STK24: variants seen among roughly 807,000 people sequenced by gnomAD.
STK24 encodes serine/threonine kinase 24.
STK24 carries 21 observed loss-of-function variants against 55.6 expected under a neutral mutation model. The ratio of observed to expected loss-of-function variants is 0.38; its 90% CI spans 0.27 to 0.54. The LOEUF (loss-of-function observed/expected upper bound fraction) is 0.54. Among genes scored for constraint, STK24 ranks in the 20% least tolerant of loss-of-function variants. STK24 has a pLI of 0.79. For synonymous variants in STK24, 200 were observed against 215.2 expected (o/e 0.93, Z 0.62); for missense variants, 383 against 538.4 (o/e 0.71, Z 2.86).
At chr13:98,468,929 G>A (rs1894030367) in intron 5 of STK24, among the ~76,000 whole-genome samples, 1 of 152,166 alleles carries the variant, frequency 6.6e-6, no homozygotes. Context: ...ATCTCTGACG[G>A]ATGCACCTCC....
intron 1 of STK24, among the ~76,000 whole-genome samples, chr13:98,529,942 A>G (rs1373163267): frequency 6.6e-6 from 1 of 152,196 alleles, no homozygotes; most frequent in African/African-American, 2.4e-5. Flanking sequence ...CTTAAAATAG[A>G]AAGGGTCTAC....
intron 1 of STK24, among the ~76,000 whole-genome samples, chr13:98,527,433 C>T (rs1369939427): frequency 1.3e-5 from 2 of 152,204 alleles, no homozygotes; most frequent in African/African-American, 4.8e-5. Context: ...TGCAAAGGGG[C>T]AAGGTGCCGG....
At chr13:98,555,307 C>T (rs1042586525) in intron 1 of STK24, among the ~76,000 whole-genome samples, 6 of 152,154 alleles carry the variant, frequency 3.9e-5, no homozygotes, top group Non-Finnish European at 8.8e-5. Flanking sequence ...CTCGGCCAGG[C>T]ACAGTGGCTC....
At chr13:98,492,659 A>G (rs1433764454) in intron 2 of STK24, among the ~76,000 whole-genome samples, 1 of 151,916 alleles carries the variant, frequency 6.6e-6, no homozygotes, top group Non-Finnish European at 1.5e-5. Context: ...CAACCCCACA[A>G]TTTTTCTCTC....
intron 1 of STK24, among the ~76,000 whole-genome samples, chr13:98,568,793 G>A (rs568275668): frequency 6.6e-6 from 1 of 151,916 alleles, no homozygotes; most frequent in South Asian, 2.1e-4. Flanking sequence ...ACTGGAACCT[G>A]GGGGGGCAGA....
chr13:98,470,625 G>A (rs561831390), intron 5 of STK24, among the ~76,000 whole-genome samples: 5 of 152,254 alleles, frequency 3.3e-5, no homozygotes, highest in South Asian at 2.1e-4. Flanking sequence ...CATTAACTGC[G>A]AACGAATCTT....
chr13:98,485,674 C>T (rs1441572187), intron 2 of STK24, among the ~76,000 whole-genome samples: 1 of 152,228 alleles, frequency 6.6e-6, no homozygotes, highest in East Asian at 1.9e-4. Context: ...AAAGTTAAGT[C>T]AGCCTGTGCC....
intron 1 of STK24, among the ~76,000 whole-genome samples, chr13:98,520,140 G>A (rs986598290): frequency 6.6e-6 from 1 of 151,684 alleles, no homozygotes; most frequent in Non-Finnish European, 1.5e-5. Context: ...CTAGCTGTCA[G>A]AGCTCAAGCT....
chr13:98,467,189 A>G (rs908698975), intron 5 of STK24, among the ~76,000 whole-genome samples: 1 of 152,168 alleles, frequency 6.6e-6, no homozygotes, highest in Non-Finnish European at 1.5e-5. Flanking sequence ...TATTAATATA[A>G]TGCATCCTCA....
At chr13:98,477,415 T>C (rs1343207080) in intron 3 of STK24, among the ~76,000 whole-genome samples, 1 of 152,132 alleles carries the variant, frequency 6.6e-6, no homozygotes, top group East Asian at 1.9e-4. Flanking sequence ...CTCATGCCTG[T>C]AATCCCAGCA....
At chr13:98,573,011 G>A (rs138263564) in intron 1 of STK24, among the ~76,000 whole-genome samples, 214 of 152,180 alleles carry the variant, frequency 1.4e-3, no homozygotes, top group African/African-American at 4.6e-3. Flanking sequence ...ACTTTTCAGC[G>A]CCAACATGAC....
chr13:98,556,291 T>C (rs1220623386), intron 1 of STK24, among the ~76,000 whole-genome samples: 1 of 152,208 alleles, frequency 6.6e-6, no homozygotes, highest in Non-Finnish European at 1.5e-5. Context: ...CTAGAGCTAC[T>C]GAAAAAGAGG....
rs77826297 is a variant in STK24, at chr13:98,507,734, A to C, written c.273+11509T>G. 9.1e-3 allele frequency among the ~76,000 whole-genome samples: 1,382 copies of C among 152,284 alleles called. 19 individuals are homozygous for C. The highest frequency in any genetic ancestry group is 0.03 in the African/African-American group (1,263 of 41,554). ...TGGCTTCATTCCCAGCCAGGACGGG[A>C]TATCCTGAGGCAGGTCTCCAGGTCT... On this transcript the variant is annotated intron_variant, in intron 2 of 10. Transcript: ENST00000539966.
chr13:98,547,405 G>A (rs563398727), intron 1 of STK24, among the ~76,000 whole-genome samples: 5 of 152,146 alleles, frequency 3.3e-5, no homozygotes, highest in South Asian at 2.1e-4. Context: ...ACAATGAGCC[G>A]GGCACGGTGG....
At chr13:98,555,014 C>CAAAAAAAAAAAAAAAA (rs398024117) in intron 1 of STK24, among the ~76,000 whole-genome samples, 2 of 88,342 alleles carry the variant, frequency 2.3e-5, no homozygotes, top group African/African-American at 4.3e-5. Context: ...GACTCCAACT[C>CAAAAAAAAAAAAAAAA]AAAAAAAAAA....
chr13:98,460,462 G>T (rs764943469), intron 8 of STK24, 22 bp from the exon 9 acceptor site: 1 of 1,602,502 alleles, frequency 6.2e-7, no homozygotes, highest in East Asian at 2.2e-5. Context: ...GGGAAAAAAA[G>T]GTCATCAGAA....
At chr13:98,457,658 C>T (rs2139244549) in intron 9 of STK24, among the ~76,000 whole-genome samples, 1 of 152,104 alleles carries the variant, frequency 6.6e-6, no homozygotes, top group East Asian at 1.9e-4. Context: ...TTAATAGAGA[C>T]AGGATTTCAC....
chr13:98,572,498 A>C (rs1352056157), intron 1 of STK24, among the ~76,000 whole-genome samples: 1 of 152,176 alleles, frequency 6.6e-6, no homozygotes, highest in African/African-American at 2.4e-5. Context: ...CCACAATTAA[A>C]TGCAGCTGTC....
chr13:98,542,974 A>G, intron 1 of STK24: 1 of 985,324 alleles, frequency 1.0e-6, no homozygotes, highest in South Asian at 4.7e-5. Context: ...CAGATCCACC[A>G]CTTCCTGTAG....
Sources: allele counts gnomAD v4.1 joint callset (sites outside exome capture counted in the v4.1 genomes callset), GRCh38; gene constraint gnomAD v4.1.1; transcripts MANE v1.5; gene names NCBI Gene and HGNC (gene_info 2026-07-23, HGNC 2026-07-21).